Variants in OPHN1 observed in about 807,000 individuals in gnomAD.
OPHN1 encodes the protein oligophrenin 1, also known as oligophrenin-1.
Under a neutral mutation model 60.7 loss-of-function variants are expected in OPHN1, and 11 were observed. The ratio of observed to expected loss-of-function variants is 0.18; its 90% CI spans 0.11 to 0.30. The LOEUF is 0.30. Among genes scored for constraint, OPHN1 ranks in the 10% least tolerant of loss-of-function variants. The probability of loss-of-function intolerance (pLI) is 1.00; values close to 1 mark genes in which losing one functional copy is unlikely to be tolerated. For missense variants in OPHN1, 449 were observed against 611.0 expected, an observed-to-expected ratio of 0.73 and a Z score of 2.80; for synonymous variants, 226 against 222.6, an observed-to-expected ratio of 1.02 and a Z score of -0.14.
intron 2 of OPHN1, among the ~76,000 whole-genome samples, chrX:68,363,839 GTGTTT>G: frequency 9.0e-6 from 1 of 111,156 alleles, no homozygotes; most frequent in African/African-American, 3.3e-5. Context: ...AATACCATGT[GTGTTT>G]TGGGTGGGGG....
At chrX:68,352,641 G>A (rs2078419010) in intron 2 of OPHN1, among the ~76,000 whole-genome samples, 1 of 111,913 alleles carries the variant, frequency 8.9e-6, no homozygotes. Flanking sequence ...AGCAACTTAG[G>A]TTTCATTGGG....
At chrX:68,096,770 C>T (rs888729329) in intron 19 of OPHN1, 100 bp downstream of exon 19, 24 of 858,767 alleles carry the variant, frequency 2.8e-5, no homozygotes, top group Non-Finnish European at 4.1e-5. Flanking sequence ...TTTCCTTTCA[C>T]TGTCAACGTG....
intron 6 of OPHN1, among the ~76,000 whole-genome samples, chrX:68,216,571 T>G (rs1014701068): frequency 2.7e-5 from 3 of 110,981 alleles, no homozygotes; most frequent in African/African-American, 9.8e-5. Context: ...TTCTAGGAAT[T>G]GGCCTAATAA....
intron 15 of OPHN1, among the ~76,000 whole-genome samples, chrX:68,162,406 TA>T (rs761948024): frequency 9.1e-6 from 1 of 110,121 alleles, no homozygotes; most frequent in Non-Finnish European, 1.9e-5. Flanking sequence ...AATAAAATAA[TA>T]AAAAAACTAA....
chrX:68,343,722 G>A (rs1275554110), intron 2 of OPHN1, among the ~76,000 whole-genome samples: 2 of 111,130 alleles, frequency 1.8e-5, no homozygotes, highest in African/African-American at 3.3e-5. Flanking sequence ...TGACTCAAAC[G>A]ATGGACATGG....
chrX:68,192,996 A>G lies in OPHN1; in HGVS notation c.1202-3T>C, dbSNP rs2077495804. The G allele has an allele frequency of 8.3e-7, 1 of 1,201,339 alleles. No individual in the cohort carries two copies. Among genetic ancestry groups the G allele is most frequent in the Admixed American group, 2.2e-5 (1 of 45,939 alleles). ...GTACAACCCTTCTGTCTTGATCCCT[A>G]GTGGAGGAAAAAATCAGGTTAATTT... is the stretch of plus-strand genomic sequence containing the variant. On this transcript the variant is annotated splice_polypyrimidine_tract_variant and splice_region_variant and intron_variant, in intron 14 of 24. Transcript: ENST00000355520.
intron 18 of OPHN1, among the ~76,000 whole-genome samples, 179 bp from the exon 19 acceptor site, chrX:68,097,208 T>G (rs999905866): frequency 3.6e-5 from 4 of 111,508 alleles, no homozygotes; most frequent in African/African-American, 1.3e-4. Context: ...TACAAGATAG[T>G]ATAAAATTAG....
chrX:68,228,231 A>G (rs1362550589), intron 6 of OPHN1, among the ~76,000 whole-genome samples: 3 of 112,035 alleles, frequency 2.7e-5, no homozygotes, highest in South Asian at 7.4e-4. Context: ...CCCTGAATAG[A>G]CTAATAACAG....
At chrX:68,317,734 A>G (rs983859113) in intron 2 of OPHN1, among the ~76,000 whole-genome samples, 1 of 110,456 alleles carries the variant, frequency 9.1e-6, no homozygotes, top group African/African-American at 3.3e-5. Context: ...AAAAGAAAAG[A>G]AAAAAGAAAA....
chrX:68,334,825 A>G (rs1451295923), intron 2 of OPHN1, among the ~76,000 whole-genome samples: 3 of 109,226 alleles, frequency 2.7e-5, no homozygotes, highest in Non-Finnish European at 5.7e-5. Flanking sequence ...AAAATACAAA[A>G]ATTAGCCAGG....
chrX:68,191,126 CTG>C (rs2077486194), intron 15 of OPHN1, among the ~76,000 whole-genome samples: 1 of 111,632 alleles, frequency 9.0e-6, no homozygotes, highest in African/African-American at 3.3e-5. Context: ...TTCTCTGACA[CTG>C]TGAAAACTCA....
intron 2 of OPHN1, among the ~76,000 whole-genome samples, chrX:68,343,592 T>C (rs996768225): frequency 9.0e-6 from 1 of 110,545 alleles, no homozygotes; most frequent in East Asian, 2.9e-4. Context: ...ATGTATGGTA[T>C]GTGAATTATA....
intron 16 of OPHN1, among the ~76,000 whole-genome samples, chrX:68,118,251 C>A (rs1013108203): frequency 5.4e-5 from 6 of 111,306 alleles, no homozygotes; most frequent in Non-Finnish European, 1.1e-4. Flanking sequence ...GAGTCAAGTA[C>A]CACCTAGTAC....
chrX:68,254,258 G>A (rs953704257), intron 5 of OPHN1, among the ~76,000 whole-genome samples: 3 of 111,381 alleles, frequency 2.7e-5, no homozygotes, highest in African/African-American at 9.8e-5. Flanking sequence ...TAGGACCTAG[G>A]AGGTGTCACA....
intron 15 of OPHN1, among the ~76,000 whole-genome samples, chrX:68,141,078 C>T (rs1270409157): frequency 8.9e-6 from 1 of 111,967 alleles, no homozygotes; most frequent in Non-Finnish European, 1.9e-5. Flanking sequence ...GAGCCTGTCA[C>T]TCTGACCCTT....
intron 15 of OPHN1, among the ~76,000 whole-genome samples, chrX:68,129,962 T>C (rs777373853): frequency 9.0e-6 from 1 of 111,492 alleles, no homozygotes; most frequent in East Asian, 2.8e-4. Flanking sequence ...TATTTTGGGC[T>C]CTTAAATATC....
At chrX:68,120,057 C>T (rs1270113400) in intron 15 of OPHN1, among the ~76,000 whole-genome samples, 1 of 111,069 alleles carries the variant, frequency 9.0e-6, no homozygotes, top group Non-Finnish European at 1.9e-5. Flanking sequence ...TTTGCCTTCC[C>T]ATCTCTCCCA....
At chrX:68,217,789 C>T (rs2077622276) in intron 6 of OPHN1, among the ~76,000 whole-genome samples, 1 of 106,976 alleles carries the variant, frequency 9.3e-6, no homozygotes, top group African/African-American at 3.3e-5. Flanking sequence ...ACATCACCAT[C>T]ATCAAACACC....
intron 7 of OPHN1, 110 bp from the exon 8 acceptor site, chrX:68,212,322 T>A: frequency 1.8e-6 from 1 of 552,962 alleles, no homozygotes; most frequent in Non-Finnish European, 3.0e-6. Flanking sequence ...TGTGGTGGCT[T>A]ATGCCTGTAA....
Sources: allele counts gnomAD v4.1 joint callset (sites outside exome capture counted in the v4.1 genomes callset), GRCh38; gene constraint gnomAD v4.1.1; transcripts MANE v1.5; gene names NCBI Gene and HGNC (gene_info 2026-07-23, HGNC 2026-07-21).